The following AR variants were observed in gnomAD, a reference collection of about 807,000 sequenced individuals.
AR encodes the protein androgen receptor, also known as dihydrotestosterone receptor.
A neutral mutation model predicts 53.9 loss-of-function variants in AR; 8 were observed. The ratio of observed to expected loss-of-function variants is 0.15; its 90% CI spans 0.09 to 0.27. The LOEUF (loss-of-function observed/expected upper bound fraction) is 0.27. AR is among the 10% of genes least tolerant of loss of function. AR has a pLI of 1.00. For missense variants in AR, 639 were observed against 742.5 expected (o/e 0.86, Z 1.62); for synonymous variants, 359 against 316.4 (o/e 1.13, Z -1.43).
chrX:67,689,649 A>G (rs1377204303), intron 3 of AR: 2 of 918,108 alleles, frequency 2.2e-6, no homozygotes, highest in Non-Finnish European at 2.7e-6. Flanking sequence ...CTGCTCATCC[A>G]CAACAGAGAT....
In AR at chrX:67,727,616, A is replaced by C. The variant is rs981381986; in HGVS notation, c.*3775A>C. ...TCTCTCCCTTGATATCTGGCAGGGC[A>C]TAAAGGCCCAGGCCACTTCCTCTGC... is the stretch of plus-strand genomic sequence containing the variant. On this transcript the variant is annotated 3_prime_UTR_variant, in exon 8 of 8. Transcript: ENST00000374690. The C allele has an allele frequency of 5.8e-6, 1 of 172,850 alleles. No homozygotes were observed. Among genetic ancestry groups the C allele is most frequent in the Non-Finnish European group, 1.1e-5 (1 of 90,313 alleles). 14.2% of individuals were successfully genotyped at this position (172,850 alleles called of 1,213,427 possible). A position where few individuals can be genotyped will look rare whatever the true frequency, so the allele number is the denominator to read the frequency against.
At chrX:67,623,044 C>G (rs1924450772) in intron 1 of AR, among the ~76,000 whole-genome samples, 1 of 111,026 alleles carries the variant, frequency 9.0e-6, no homozygotes, top group Non-Finnish European at 1.9e-5. Context: ...TAGGAGTGAC[C>G]TGTCTTCTCT....
intron 1 of AR, among the ~76,000 whole-genome samples, chrX:67,553,322 T>G (rs1930066985): frequency 1.8e-5 from 2 of 112,441 alleles, no homozygotes; most frequent in South Asian, 7.4e-4. Context: ...CTTTCCTCAC[T>G]TAACTGTCTT....
At chrX:67,662,403 A>T (rs4827402) in intron 2 of AR, among the ~76,000 whole-genome samples, 1 of 108,991 alleles carries the variant, frequency 9.2e-6, no homozygotes. Flanking sequence ...CTTTGTTCTC[A>T]TTGGTTTCAA....
intron 1 of AR, among the ~76,000 whole-genome samples, chrX:67,602,572 A>G (rs1170431528): frequency 8.9e-6 from 1 of 112,142 alleles, no homozygotes; most frequent in Non-Finnish European, 1.9e-5. Context: ...TGCCAGTACT[A>G]ACTTGAAGAT....
chrX:67,592,247 C>A (rs185896657), intron 1 of AR, among the ~76,000 whole-genome samples: 1 of 112,075 alleles, frequency 8.9e-6, no homozygotes, highest in East Asian at 2.8e-4. Context: ...AGGCAGAAAT[C>A]TGGGCTGAAC....
At chrX:67,607,181 C>T (rs980783973) in intron 1 of AR, among the ~76,000 whole-genome samples, 1 of 111,296 alleles carries the variant, frequency 9.0e-6, no homozygotes, top group African/African-American at 3.3e-5. Context: ...AATCATGCGC[C>T]ACCACACCCG....
chrX:67,549,232 C>G (rs1929899135), intron 1 of AR, among the ~76,000 whole-genome samples: 1 of 111,802 alleles, frequency 8.9e-6, no homozygotes, highest in Non-Finnish European at 1.9e-5. Context: ...AGTGTCTTCC[C>G]TCTCTGTGTT....
chrX:67,616,077 C>T (rs996174294), intron 1 of AR, among the ~76,000 whole-genome samples: 16 of 110,955 alleles, frequency 1.4e-4, no homozygotes, highest in South Asian at 3.8e-4. Context: ...AATATGATGT[C>T]GATTCTGTTA....
At chrX:67,646,378 G>A (rs1926059915) in intron 2 of AR, among the ~76,000 whole-genome samples, 1 of 110,676 alleles carries the variant, frequency 9.0e-6, no homozygotes, top group South Asian at 3.9e-4. Flanking sequence ...AAAAGGGTGC[G>A]GTGAGAAAAA....
At chrX:67,628,349 T>A (rs1275225259) in intron 1 of AR, among the ~76,000 whole-genome samples, 1 of 95,554 alleles carries the variant, frequency 1.0e-5, no homozygotes, top group African/African-American at 3.4e-5. Context: ...AAGAGGTCCT[T>A]CACATCCCTT....
At chrX:67,592,014 T>C (rs1239207795) in intron 1 of AR, among the ~76,000 whole-genome samples, 1 of 112,488 alleles carries the variant, frequency 8.9e-6, no homozygotes, top group Non-Finnish European at 1.9e-5. Context: ...AAGAGATGCA[T>C]GCTGACTTAA....
intron 1 of AR, among the ~76,000 whole-genome samples, chrX:67,636,332 T>C (rs1183514285): frequency 4.5e-5 from 5 of 112,022 alleles, no homozygotes; most frequent in African/African-American, 1.6e-4. Flanking sequence ...TTCCCTTGCA[T>C]TTTGATAAGT....
chrX:67,620,263 G>GT (rs796733449), intron 1 of AR, among the ~76,000 whole-genome samples: 89 of 106,307 alleles, frequency 8.4e-4, no homozygotes, highest in African/African-American at 2.3e-3. Context: ...ATAGGTTTTG[G>GT]TTTTTTTTTT....
intron 2 of AR, chrX:67,680,852 A>C: frequency 3.2e-6 from 1 of 315,662 alleles, no homozygotes; most frequent in Non-Finnish European, 6.2e-6. Context: ...ACAAACTTGA[A>C]AGCTGTCTCA....
intron 5 of AR, among the ~76,000 whole-genome samples, chrX:67,719,742 T>G (rs1204372282): frequency 8.9e-6 from 1 of 112,432 alleles, no homozygotes; most frequent in Non-Finnish European, 1.9e-5. Context: ...CCAGTCATTC[T>G]GACAGCCCAA....
intron 2 of AR, among the ~76,000 whole-genome samples, chrX:67,685,581 G>A (rs1263864565): frequency 3.6e-5 from 4 of 111,620 alleles, no homozygotes; most frequent in Non-Finnish European, 3.8e-5. Context: ...TAGCTCGAGT[G>A]TAATTCTATG....
chrX:67,592,676 A>G (rs1256596978), intron 1 of AR, among the ~76,000 whole-genome samples: 2 of 107,574 alleles, frequency 1.9e-5, no homozygotes, highest in African/African-American at 6.8e-5. Context: ...TCTACTAAGC[A>G]TGCTAGGTAA....
At chrX:67,594,859 G>A (rs990528763) in intron 1 of AR, among the ~76,000 whole-genome samples, 15 of 111,601 alleles carry the variant, frequency 1.3e-4, no homozygotes, top group African/African-American at 4.9e-4. Flanking sequence ...TGAGGTGGGA[G>A]GATCACTTGA....
Sources: gnomAD v4.1 joint callset for allele counts (sites outside exome capture counted in the v4.1 genomes callset) on GRCh38, gnomAD v4.1.1 for gene constraint, MANE v1.5 for transcripts, NCBI Gene and HGNC (gene_info 2026-07-23, HGNC 2026-07-21) for gene names.